Variants in ARL15 observed in about 807,000 individuals in gnomAD.
The protein encoded by ARL15 is ARF like GTPase 15, also known as ADP-ribosylation factor-like protein 15.
Under a neutral mutation model 25.2 loss-of-function variants are expected in ARL15, and 19 were observed. The observed-to-expected ratio is 0.75, with a 90% CI of 0.53 to 1.10. The LOEUF (loss-of-function observed/expected upper bound fraction) is 1.10. Among genes scored for constraint, ARL15 ranks in the 50% least tolerant of loss-of-function variants. The pLI is 0.00. For synonymous variants in ARL15, 94 were observed against 86.8 expected (o/e 1.08, Z -0.46); for missense variants, 220 against 246.0 (o/e 0.89, Z 0.71).
intron 4 of ARL15, among the ~76,000 whole-genome samples, chr5:54,064,829 T>A (rs1175912103): frequency 6.6e-6 from 1 of 152,170 alleles, no homozygotes; most frequent in Admixed American, 6.5e-5. Flanking sequence ...TCAACTTATA[T>A]GCAGATAAAA....
At chr5:54,075,965 A>G (rs1414648499) in intron 4 of ARL15, among the ~76,000 whole-genome samples, 1 of 152,200 alleles carries the variant, frequency 6.6e-6, no homozygotes, top group African/African-American at 2.4e-5. Context: ...CTTTTAACCC[A>G]TTATACTACC....
chr5:54,218,762 G>C (rs1756290141), intron 1 of ARL15, among the ~76,000 whole-genome samples: 1 of 152,130 alleles, frequency 6.6e-6, no homozygotes, highest in South Asian at 2.1e-4. Context: ...AAGATACCAA[G>C]TAGATGCTTT....
intron 1 of ARL15, chr5:54,282,424 T>C: frequency 1.0e-6 from 1 of 985,468 alleles, no homozygotes; most frequent in South Asian, 4.7e-5. Flanking sequence ...AAAGAAAATC[T>C]GCTGTATTCC....
chr5:54,070,350 C>T (rs111288111), intron 4 of ARL15, among the ~76,000 whole-genome samples: 2,971 of 151,384 alleles, frequency 0.02, 93 homozygotes, highest in African/African-American at 0.065. Flanking sequence ...CGAGATCGCG[C>T]CACTGCACCC....
intron 4 of ARL15, among the ~76,000 whole-genome samples, chr5:53,901,827 A>T (rs1475656485): frequency 6.6e-6 from 1 of 152,210 alleles, no homozygotes; most frequent in Non-Finnish European, 1.5e-5. Context: ...ACACAGTTGG[A>T]TTATTCCTCC....
intron 4 of ARL15, among the ~76,000 whole-genome samples, chr5:53,899,464 C>A (rs1162785276): frequency 6.8e-6 from 1 of 147,398 alleles, no homozygotes. Context: ...TTTTCCTAAT[C>A]TCTATTTCAT....
At chr5:54,146,620 G>A (rs1753919662) in intron 3 of ARL15, among the ~76,000 whole-genome samples, 1 of 152,132 alleles carries the variant, frequency 6.6e-6, no homozygotes, top group Admixed American at 6.5e-5. Flanking sequence ...GGGATAGGAA[G>A]TTAAACTAAG....
At chr5:54,128,640 T>G (rs929419464) in intron 3 of ARL15, among the ~76,000 whole-genome samples, 11 of 152,090 alleles carry the variant, frequency 7.2e-5, no homozygotes, top group Admixed American at 3.3e-4. Flanking sequence ...TTTATGACAC[T>G]ATGTCATTTA....
At chr5:54,265,513 G>C (rs10038691) in intron 1 of ARL15, among the ~76,000 whole-genome samples, 6,853 of 152,232 alleles carry the variant, frequency 0.045, 376 homozygotes, top group African/African-American at 0.13. Context: ...TCCATGAGCT[G>C]TATTCAGGCA....
rs370688414 is a variant in ARL15 at position 53,933,612 on chromosome 5, T to C, written c.463-46899A>G. On this transcript the variant is annotated intron_variant, in intron 4 of 4. Coordinates refer to ENST00000504924, the MANE Select transcript of ARL15 (RefSeq NM_019087.3). ...GTGAGCCAAGATTGTGCCACTGCAC[T>C]CCAGTCTGGGCGACAGAGCGAGACT... Among the ~76,000 whole-genome samples, 1,071 of 116,282 alleles carry C rather than the reference T, an allele frequency of 9.2e-3. 8 individuals are homozygous for C. Among genetic ancestry groups the C allele is most frequent in the Non-Finnish European group, 0.015 (924 of 62,318 alleles). 76.3% of individuals were successfully genotyped at this position (116,282 alleles called of 152,430 possible).
chr5:54,159,296 C>T (rs1754331543), intron 2 of ARL15, among the ~76,000 whole-genome samples: 1 of 152,072 alleles, frequency 6.6e-6, no homozygotes, highest in Non-Finnish European at 1.5e-5. Context: ...GTTCAACTGA[C>T]TCATCCATGA....
intron 4 of ARL15, among the ~76,000 whole-genome samples, chr5:54,110,213 G>A (rs1335962226): frequency 6.6e-6 from 1 of 151,920 alleles, no homozygotes; most frequent in African/African-American, 2.4e-5. Flanking sequence ...TAGGGGAGGG[G>A]ACTACATATA....
intron 4 of ARL15, among the ~76,000 whole-genome samples, chr5:54,089,936 T>A (rs1752083216): frequency 6.6e-6 from 1 of 152,138 alleles, no homozygotes; most frequent in African/African-American, 2.4e-5. Context: ...ATTTGCAAAA[T>A]TTTAAAACCC....
chr5:54,271,612 T>C (rs1757786548), intron 1 of ARL15, among the ~76,000 whole-genome samples: 1 of 152,234 alleles, frequency 6.6e-6, no homozygotes, highest in Non-Finnish European at 1.5e-5. Context: ...ACCATATATA[T>C]ATCCTTTTTA....
chr5:54,304,570 C>A (rs981884661), intron 1 of ARL15, among the ~76,000 whole-genome samples: 1 of 152,272 alleles, frequency 6.6e-6, no homozygotes, highest in South Asian at 2.1e-4. Flanking sequence ...AGTTTGGGAA[C>A]CAGACTTAAC....
chr5:54,221,616 A>G (rs1314585589), intron 1 of ARL15, among the ~76,000 whole-genome samples: 1 of 151,992 alleles, frequency 6.6e-6, no homozygotes, highest in African/African-American at 2.4e-5. Flanking sequence ...CCATTTTCAA[A>G]CAAGCGCTAA....
At chr5:54,300,554 T>G (rs1758590224) in intron 1 of ARL15, among the ~76,000 whole-genome samples, 1 of 152,238 alleles carries the variant, frequency 6.6e-6, no homozygotes, top group African/African-American at 2.4e-5. Flanking sequence ...GTTATTGTGT[T>G]AAACTATTGT....
chr5:53,966,134 AG>A (rs1166341154), intron 4 of ARL15, among the ~76,000 whole-genome samples: 1 of 152,170 alleles, frequency 6.6e-6, no homozygotes, highest in African/African-American at 2.4e-5. Flanking sequence ...TGGAACTTGC[AG>A]CCCCATCCTC....
chr5:54,299,867 G>A (rs751206449), intron 1 of ARL15, among the ~76,000 whole-genome samples: 4 of 152,010 alleles, frequency 2.6e-5, no homozygotes, highest in Admixed American at 6.6e-5. Context: ...GATTATAGGC[G>A]TGAGCCACCG....
Sources: allele counts gnomAD v4.1 joint callset (sites outside exome capture counted in the v4.1 genomes callset), GRCh38; gene constraint gnomAD v4.1.1; transcripts MANE v1.5; gene names NCBI Gene and HGNC (gene_info 2026-07-23, HGNC 2026-07-21).